M1AP: variants seen among roughly 807,000 people sequenced by gnomAD.
The protein encoded by M1AP is meiosis 1 associated protein.
Under a neutral mutation model 51.2 loss-of-function variants are expected in M1AP, and 39 were observed. That is an observed-to-expected ratio of 0.76 (90% confidence interval 0.59 to 1.00). The LOEUF is 1.00. Ranked by LOEUF, M1AP falls within the 50% of genes least tolerant of loss-of-function variation. The pLI, the probability that M1AP is intolerant of heterozygous loss-of-function variation, is 0.00. For synonymous variants in M1AP, 251 were observed against 249.2 expected, an observed-to-expected ratio of 1.01 and a Z score of -0.07; for missense variants, 545 against 641.2, an observed-to-expected ratio of 0.85 and a Z score of 1.62.
chr2:74,580,043 C>A (rs1199486574), intron 5 of M1AP, among the ~76,000 whole-genome samples: 3 of 152,142 alleles, frequency 2.0e-5, no homozygotes, highest in Non-Finnish European at 2.9e-5. Flanking sequence ...CTGGCTTCAA[C>A]GGATCCTCCC....
chr2:74,648,015 C>CCCGCGGAGGAAGCTCCGGGCCCAGACT, intron 1 of M1AP: 1 of 985,580 alleles, frequency 1.0e-6, no homozygotes, highest in African/African-American at 1.7e-5. Flanking sequence ...GCCTGGGGGC[C>CCCGCGGAGGAAGCTCCGGGCCCAGACT]CCGCGGAGGA....
chr2:74,598,094 T>C (rs1319091633), intron 4 of M1AP, among the ~76,000 whole-genome samples: 1 of 152,168 alleles, frequency 6.6e-6, no homozygotes, highest in Non-Finnish European at 1.5e-5. Flanking sequence ...TTAAAAGTAG[T>C]TTTGTAGCTG....
chr2:74,613,309 G>GC (rs1681477425), intron 3 of M1AP, among the ~76,000 whole-genome samples: 1 of 152,036 alleles, frequency 6.6e-6, no homozygotes, highest in Non-Finnish European at 1.5e-5. Context: ...TTCAAACTGT[G>GC]TTTTTTTGTC....
chr2:74,592,176 C>A (rs1680085174), intron 4 of M1AP, among the ~76,000 whole-genome samples: 1 of 152,034 alleles, frequency 6.6e-6, no homozygotes, highest in Admixed American at 6.6e-5. Flanking sequence ...TATATACATG[C>A]ATTTTTGTAG....
chr2:74,643,574 G>T (rs889819248), intron 1 of M1AP, among the ~76,000 whole-genome samples: 3 of 151,620 alleles, frequency 2.0e-5, no homozygotes, highest in Non-Finnish European at 2.9e-5. Flanking sequence ...GGGGGTCCTG[G>T]GGTGTTGGTA....
intron 1 of M1AP, among the ~76,000 whole-genome samples, chr2:74,643,130 T>C (rs992246796): frequency 6.6e-6 from 1 of 152,114 alleles, no homozygotes; most frequent in African/African-American, 2.4e-5. Flanking sequence ...ATATAATCTT[T>C]AAATAATCAT....
chr2:74,577,549 G>C (rs1305469869), intron 5 of M1AP, among the ~76,000 whole-genome samples: 1 of 152,232 alleles, frequency 6.6e-6, no homozygotes, highest in African/African-American at 2.4e-5. Context: ...TGCAATATGA[G>C]GTAAAAAACA....
At chr2:74,608,964 C>A (rs187591134) in intron 3 of M1AP, among the ~76,000 whole-genome samples, 261 of 152,290 alleles carry the variant, frequency 1.7e-3, no homozygotes, top group Middle Eastern at 6.8e-3. Flanking sequence ...TAATTGTACA[C>A]ATTTACGGGT....
intron 1 of M1AP, among the ~76,000 whole-genome samples, chr2:74,643,427 AG>A (rs777730619): frequency 6.6e-6 from 1 of 152,146 alleles, no homozygotes; most frequent in Non-Finnish European, 1.5e-5. Flanking sequence ...AATAAGCAAA[AG>A]TAGTTATATT....
intron 2 of M1AP, among the ~76,000 whole-genome samples, chr2:74,620,335 G>A (rs751907643): frequency 1.3e-5 from 2 of 152,218 alleles, no homozygotes; most frequent in Non-Finnish European, 2.9e-5. Flanking sequence ...AATAAAAGGT[G>A]TTTAGAAGAA....
chr2:74,594,442 CAG>C (rs1680212305), intron 4 of M1AP, among the ~76,000 whole-genome samples: 1 of 151,958 alleles, frequency 6.6e-6, no homozygotes, highest in Non-Finnish European at 1.5e-5. Context: ...CAAAAAGTCA[CAG>C]AGTCTTGGGC....
chr2:74,560,137 G>A lies in M1AP; in HGVS notation c.1422+14C>T. On this transcript the variant is annotated intron_variant, in intron 9 of 10. Coordinates refer to ENST00000421985, the MANE Select transcript of M1AP (RefSeq NM_001321739.2). ...GGGGAAGTAAGGAAGAGGAGGGAAG[G>A]AGGGGAGCGGTACCTTTCTCGGAGC... 6.2e-7 allele frequency: 1 copy of A among 1,613,160 alleles called. No individual in the cohort carries two copies. The highest frequency in any genetic ancestry group is 8.5e-7 in the Non-Finnish European group (1 of 1,179,882).
chr2:74,579,818 T>C (rs759401084), intron 5 of M1AP, among the ~76,000 whole-genome samples: 6 of 152,092 alleles, frequency 3.9e-5, no homozygotes, highest in Non-Finnish European at 8.8e-5. Context: ...ATTAAAAACA[T>C]TTTTTTAGAG....
intron 3 of M1AP, among the ~76,000 whole-genome samples, chr2:74,612,112 C>T (rs150739382): frequency 6.5e-4 from 98 of 151,384 alleles, no homozygotes; most frequent in African/African-American, 1.5e-3. Context: ...AGGATGGTCT[C>T]GATCGCCTGA....
In M1AP at chr2:74,607,054, C is replaced by G. The variant is rs145932928; in HGVS notation, c.595+1G>C. 1 of 1,612,456 alleles carries G rather than the reference C, an allele frequency of 6.2e-7. No homozygotes were observed. Among genetic ancestry groups the G allele is most frequent in the Non-Finnish European group, 8.5e-7 (1 of 1,179,350 alleles). On this transcript the variant is annotated splice_donor_variant, in intron 4 of 10. Coordinates refer to ENST00000421985, the MANE Select transcript of M1AP (RefSeq NM_001321739.2). LOFTEE classifies it high-confidence loss of function. ...TTTTTACCTTGTTAAAAAATTCTTA[C>G]CATCATTGCTGGTATCCTCAACAGG...
At chr2:74,640,374 T>C in intron 1 of M1AP, 47 bp from the exon 2 acceptor site, 3 of 1,439,738 alleles carry the variant, frequency 2.1e-6, no homozygotes, top group Non-Finnish European at 2.8e-6. Flanking sequence ...CTGAATTATG[T>C]GTGCTCTGTT....
At chr2:74,569,174 A>G (rs142732260) in intron 7 of M1AP, among the ~76,000 whole-genome samples, 2 of 152,204 alleles carry the variant, frequency 1.3e-5, no homozygotes, top group Admixed American at 1.3e-4. Flanking sequence ...ATTAGAATCT[A>G]CAAAAATGAA....
chr2:74,626,522 G>T (rs1010441555), intron 2 of M1AP, among the ~76,000 whole-genome samples: 1 of 152,196 alleles, frequency 6.6e-6, no homozygotes, highest in African/African-American at 2.4e-5. Flanking sequence ...GCCTCCCAAA[G>T]TGCTAGGATT....
chr2:74,609,171 T>G (rs566568101), intron 3 of M1AP, among the ~76,000 whole-genome samples: 1 of 152,194 alleles, frequency 6.6e-6, no homozygotes, highest in African/African-American at 2.4e-5. Context: ...TTCCTCCTAA[T>G]TGTAACTTTG....
Sources: gnomAD v4.1 joint callset for allele counts (sites outside exome capture counted in the v4.1 genomes callset) on GRCh38, gnomAD v4.1.1 for gene constraint, MANE v1.5 for transcripts, NCBI Gene and HGNC (gene_info 2026-07-23, HGNC 2026-07-21) for gene names.